VPS13B: variants seen among roughly 807,000 people sequenced by gnomAD.
VPS13B encodes the protein intermembrane lipid transfer protein VPS13B.
Under a neutral mutation model 426.4 loss-of-function variants are expected in VPS13B, and 285 were observed. The observed-to-expected ratio is 0.67, with a 90% CI of 0.61 to 0.74. The LOEUF (loss-of-function observed/expected upper bound fraction) is 0.74. Ranked by LOEUF, VPS13B falls within the 30% of genes least tolerant of loss-of-function variation. The probability of loss-of-function intolerance (pLI) is 0.00; values close to 1 mark genes in which losing one functional copy is unlikely to be tolerated. For missense variants in VPS13B, 4,537 were observed against 4,782.6 expected, an observed-to-expected ratio of 0.95 and a Z score of 1.51; for synonymous variants, 1,676 against 1,676.4, an observed-to-expected ratio of 1.00 and a Z score of 0.01.
chr8:99,768,042 C>T (rs1223501661), intron 40 of VPS13B, among the ~76,000 whole-genome samples: 1 of 152,236 alleles, frequency 6.6e-6, no homozygotes, highest in Non-Finnish European at 1.5e-5. Context: ...TTCTTCAGCA[C>T]TTCTAGCTTA....
intron 19 of VPS13B, among the ~76,000 whole-genome samples, chr8:99,380,929 G>A (rs1282615404): frequency 6.7e-6 from 1 of 148,486 alleles, no homozygotes. Flanking sequence ...AGGGATACAA[G>A]TGCCTGTTTA....
intron 22 of VPS13B, among the ~76,000 whole-genome samples, chr8:99,433,077 A>G (rs540042690): frequency 4.6e-5 from 7 of 152,374 alleles, no homozygotes; most frequent in Non-Finnish European, 7.3e-5. Flanking sequence ...TAGAAGAATC[A>G]GGAAACATTT....
intron 17 of VPS13B, chr8:99,233,880 G>T: frequency 1.3e-6 from 1 of 780,346 alleles, no homozygotes; most frequent in Non-Finnish European, 2.4e-6. Flanking sequence ...AGAATCGTGT[G>T]GCATGCTTCA....
At chr8:99,156,201 G>A (rs1352783537) in intron 14 of VPS13B, among the ~76,000 whole-genome samples, 1 of 152,040 alleles carries the variant, frequency 6.6e-6, no homozygotes, top group Non-Finnish European at 1.5e-5. Context: ...GCTGACTCTT[G>A]GATATCTAGG....
At chr8:99,766,678 A>G (rs1811244044) in intron 39 of VPS13B, 96 bp from the exon 40 acceptor site, 2 of 1,077,936 alleles carry the variant, frequency 1.9e-6, no homozygotes, top group East Asian at 5.2e-5. Flanking sequence ...AAAGGTCTTA[A>G]TGTTATAATT....
intron 17 of VPS13B, chr8:99,232,927 C>CTTCTCA (rs143932072): frequency 0.021 from 12,429 of 601,494 alleles, 199 homozygotes; most frequent in Non-Finnish European, 0.028. Context: ...CCTCCGCAGA[C>CTTCTCA]TTCTCATTCC....
chr8:99,550,284 T>C (rs1452546276), intron 30 of VPS13B, among the ~76,000 whole-genome samples: 6 of 152,072 alleles, frequency 3.9e-5, no homozygotes, highest in African/African-American at 1.4e-4. Context: ...TAAAATAGAG[T>C]CATTTTCATG....
chr8:99,507,146 A>G lies in VPS13B; in HGVS notation c.4167A>G (p.Glu1389=). The change falls in exon 28 of 62, where the codon GAA becomes GAG. Residue 1389 remains glutamate (E), a synonymous_variant. Transcript: ENST00000357162. ...AACTTATGTTTTCCAGGCCAGGGGA[A>G]GGTTGGCAGTCAGGACATTTTGAAG... ...NIDHYRSRPG[E]GWQSGHFEGV... The G allele has an allele frequency of 3.1e-6, 5 of 1,613,988 alleles. No individual in the cohort carries two copies. The highest frequency in any genetic ancestry group is 4.2e-6 in the Non-Finnish European group (5 of 1,179,912).
Position 99,624,780 on chromosome 8 carries a change from T to C in VPS13B, c.5221-17031T>C, listed in dbSNP as rs532673848. 1.6e-3 allele frequency among the ~76,000 whole-genome samples: 238 copies of C among 151,776 alleles called. 1 individual carries two copies. Among genetic ancestry groups the C allele is most frequent in the Admixed American group, 4.5e-3 (68 of 15,210 alleles). On this transcript the variant is annotated intron_variant, in intron 33 of 61. Coordinates refer to ENST00000357162, the MANE Select transcript of VPS13B (RefSeq NM_152564.5). ...GACTGCAAGTGTCTCTTTGAACTGA[T>C]ATTTGTGTTGTCCTTGTCCTTATTT...
At chr8:99,816,692 CTACTCTAGAGGCT>C (rs1203856133) in intron 44 of VPS13B, among the ~76,000 whole-genome samples, 2 of 151,974 alleles carry the variant, frequency 1.3e-5, no homozygotes, top group African/African-American at 2.4e-5. Flanking sequence ...GTAGACCCAG[CTACTCTAGAGGCT>C]GAGGTGGGAG....
chr8:99,214,665 A>G (rs578103717), intron 17 of VPS13B, among the ~76,000 whole-genome samples: 55 of 152,202 alleles, frequency 3.6e-4, no homozygotes, highest in Middle Eastern at 3.4e-3. Flanking sequence ...GTGTTGTCCA[A>G]TTTATTTTCT....
At chr8:99,573,608 G>T (rs1825605306) in intron 31 of VPS13B, among the ~76,000 whole-genome samples, 1 of 152,186 alleles carries the variant, frequency 6.6e-6, no homozygotes, top group Non-Finnish European at 1.5e-5. Context: ...TCAGATGGTT[G>T]TAGATACACT....
intron 52 of VPS13B, 134 bp from the exon 53 acceptor site, chr8:99,835,063 G>A (rs1815310148): frequency 1.8e-5 from 19 of 1,048,282 alleles, no homozygotes; most frequent in Non-Finnish European, 2.7e-5. Flanking sequence ...TATCAGAAAA[G>A]GAATCTCCCC....
chr8:99,087,763 A>G lies in VPS13B; in HGVS notation c.292-8549A>G, dbSNP rs148128191. On this transcript the variant is annotated intron_variant, in intron 3 of 61. Coordinates refer to ENST00000357162, the MANE Select transcript of VPS13B (RefSeq NM_152564.5). ...AAGCCCTGTTTCAAGTATAACTTGT[A>G]TTTTAAATGAGTCCTAAGTCTTTAT... 8.2e-3 allele frequency among the ~76,000 whole-genome samples: 1,240 copies of G among 152,116 alleles called. 9 individuals carry two copies. The highest frequency in any genetic ancestry group is 0.024 in the Middle Eastern group (7 of 294).
intron 33 of VPS13B, among the ~76,000 whole-genome samples, chr8:99,619,308 G>T (rs1014122185): frequency 2.0e-5 from 3 of 152,110 alleles, no homozygotes; most frequent in African/African-American, 7.2e-5. Context: ...ATTTCCCTGA[G>T]ACACATGGGC....
At chr8:99,824,127 G>A (rs867892006) in intron 51 of VPS13B, 149 bp downstream of exon 51, 12 of 997,832 alleles carry the variant, frequency 1.2e-5, no homozygotes, top group Middle Eastern at 2.8e-4. Flanking sequence ...TTAAAACCAT[G>A]AATGTCATGG....
At chr8:99,055,064 G>T (rs1843773332) in intron 3 of VPS13B, among the ~76,000 whole-genome samples, 2 of 147,428 alleles carry the variant, frequency 1.4e-5, no homozygotes, top group Admixed American at 6.8e-5. Flanking sequence ...TTGTTACAGG[G>T]TCTCACTCTG....
chr8:99,723,705 A>G (rs770369490), intron 39 of VPS13B, among the ~76,000 whole-genome samples: 4 of 152,192 alleles, frequency 2.6e-5, no homozygotes, highest in Non-Finnish European at 5.9e-5. Flanking sequence ...GCATATAAGC[A>G]AAACACAGCC....
intron 28 of VPS13B, 138 bp downstream of exon 28, chr8:99,507,341 A>C (rs1045636137): frequency 3.2e-6 from 3 of 925,490 alleles, no homozygotes; most frequent in Non-Finnish European, 5.0e-6. Flanking sequence ...TCAAAATTAC[A>C]TATAAATTTA....
Sources: allele counts gnomAD v4.1 joint callset (sites outside exome capture counted in the v4.1 genomes callset), GRCh38; gene constraint gnomAD v4.1.1; transcripts MANE v1.5; gene names NCBI Gene and HGNC (gene_info 2026-07-23, HGNC 2026-07-21).